PTPRA: variants seen among roughly 807,000 people sequenced by gnomAD.
The protein encoded by PTPRA is receptor-type tyrosine-protein phosphatase alpha.
Under a neutral mutation model 104.8 loss-of-function variants are expected in PTPRA, and 25 were observed. The observed-to-expected ratio is 0.24, with a 90% CI of 0.17 to 0.33. The LOEUF (loss-of-function observed/expected upper bound fraction) is 0.33, where lower values mean the gene tolerates loss of function less well. Among genes scored for constraint, PTPRA ranks in the 10% least tolerant of loss-of-function variants. The pLI is 1.00. For synonymous variants in PTPRA, 323 were observed against 368.9 expected (o/e 0.88, Z 1.43); for missense variants, 765 against 1,015.3 (o/e 0.75, Z 3.35).
chr20:2,988,776 G>C (rs1479240676), intron 9 of PTPRA, among the ~76,000 whole-genome samples: 1 of 152,340 alleles, frequency 6.6e-6, no homozygotes, highest in East Asian at 1.9e-4. Flanking sequence ...CCAGTGATAT[G>C]ATGAGGAGCA....
At chr20:2,940,139 G>A (rs1163841620) in intron 2 of PTPRA, among the ~76,000 whole-genome samples, 1 of 152,000 alleles carries the variant, frequency 6.6e-6, no homozygotes, top group Admixed American at 6.6e-5. Context: ...AAACAAATCA[G>A]TGGGAGGAAT....
chr20:2,865,257 T>C, the PTPRA span: 1 of 1,614,238 alleles, frequency 6.2e-7, no homozygotes. This position sits in a 1 kb window ranked among gnomAD's most constrained non-coding sequence, Gnocchi z 5.2. Flanking sequence ...ACCCTCATTC[T>C]TGGCGGTCAC....
At chr20:3,030,376 T>G (rs1013820563) in intron 20 of PTPRA, among the ~76,000 whole-genome samples, 1 of 152,228 alleles carries the variant, frequency 6.6e-6, no homozygotes, top group East Asian at 1.9e-4. Context: ...ACAGTAGTGC[T>G]TGCCCTCAAA....
chr20:2,986,154 G>A (rs191852290), intron 6 of PTPRA, among the ~76,000 whole-genome samples: 13 of 152,084 alleles, frequency 8.5e-5, no homozygotes, highest in East Asian at 5.8e-4. Flanking sequence ...CAATCCACCC[G>A]CTTTGTCCTC....
At position 3,022,246 on chromosome 20, in the gene PTPRA, C is replaced by A. The variant is rs1443690522; in HGVS notation, c.1328+26C>A. 6.2e-7 allele frequency: 1 copy of A among 1,610,700 alleles called. No individual in the cohort carries two copies. On this transcript the variant is annotated intron_variant, in intron 15 of 23. Transcript: ENST00000399903. This position sits in a 1 kb window ranked among gnomAD's most constrained non-coding sequence, Gnocchi z 4.6. ...GTCAGTGTGGCCTGACCCTTGTACC[C>A]CCACCCCCACATTTCGCCCCCATGG...
Position 3,035,549 on chromosome 20 carries a change from C to T in PTPRA, c.1921-36C>T, listed in dbSNP as rs2065755956. The T allele has an allele frequency of 1.3e-6, 2 of 1,588,264 alleles. No individual in the cohort carries two copies. The highest frequency in any genetic ancestry group is 1.3e-5 in the African/African-American group (1 of 74,354). On this transcript the variant is annotated intron_variant, in intron 20 of 23. Transcript: ENST00000399903. The surrounding 1 kb of genome is among the most constrained non-coding windows in gnomAD (Gnocchi z 5.8). Reference sequence around the variant, plus strand: ...CAGTGCTGCTTCTACACATGTGGTACTCTGAGCTCCTCACCTCTCCAACCT... The same window carrying T: ...CAGTGCTGCTTCTACACATGTGGTATTCTGAGCTCCTCACCTCTCCAACCT...
chr20:2,946,317 A>G (rs2061129288), intron 2 of PTPRA, among the ~76,000 whole-genome samples: 1 of 152,128 alleles, frequency 6.6e-6, no homozygotes, highest in Admixed American at 6.5e-5. Context: ...CAGAAAAATT[A>G]GTGATTTGGC....
chr20:3,020,319 C>G (rs529621449), intron 13 of PTPRA, among the ~76,000 whole-genome samples: 2 of 152,134 alleles, frequency 1.3e-5, no homozygotes, highest in African/African-American at 2.4e-5. Flanking sequence ...AGGATGGTCT[C>G]GATCTCCTGA....
At chr20:3,009,418 G>A (rs1466707509) in intron 11 of PTPRA, among the ~76,000 whole-genome samples, 3 of 152,144 alleles carry the variant, frequency 2.0e-5, no homozygotes, top group Admixed American at 6.5e-5. Flanking sequence ...AAAAGCGTTA[G>A]GAAGTTGTTA....
intron 1 of PTPRA, 142 bp from the exon 2 acceptor site, chr20:2,923,065 A>G (rs562270927): frequency 3.5e-6 from 1 of 286,688 alleles, no homozygotes; most frequent in African/African-American, 2.3e-5. Context: ...AGCTGGGATT[A>G]TAGGCATGTG....
At chr20:2,981,124 G>T (rs542825034) in intron 6 of PTPRA, among the ~76,000 whole-genome samples, 1 of 152,038 alleles carries the variant, frequency 6.6e-6, no homozygotes, top group Admixed American at 6.5e-5. Context: ...GACCTGCTCT[G>T]GTGTCAATTC....
intron 5 of PTPRA, among the ~76,000 whole-genome samples, chr20:2,967,641 A>C (rs1251107903): frequency 6.6e-6 from 1 of 152,166 alleles, no homozygotes; most frequent in Non-Finnish European, 1.5e-5. Flanking sequence ...TGGACAGATC[A>C]CTTGAGCTCA....
intron 2 of PTPRA, among the ~76,000 whole-genome samples, chr20:2,933,601 C>G (rs1245268725): frequency 6.6e-6 from 1 of 151,982 alleles, no homozygotes; most frequent in Non-Finnish European, 1.5e-5. Context: ...GCTGGGATTA[C>G]AGGCGCACGC....
rs780628452 is a variant in PTPRA at position 3,037,305 on chromosome 20, A to G, written c.2334+16A>G. The G allele has an allele frequency of 6.2e-7, 1 of 1,613,104 alleles. No homozygotes were observed. Among genetic ancestry groups the G allele is most frequent in the African/African-American group, 1.3e-5 (1 of 75,014 alleles). On this transcript the variant is annotated intron_variant, in intron 23 of 23. Coordinates refer to ENST00000399903, the MANE Select transcript of PTPRA (RefSeq NM_001385305.1). This position sits in a 1 kb window ranked among gnomAD's most constrained non-coding sequence, Gnocchi z 4.3. Reference sequence around the variant, plus strand: ...CCAGACACTGGTATGCTGCCCACATATTTGTCCCTGCCACCACACCACCTG... The same window carrying G: ...CCAGACACTGGTATGCTGCCCACATGTTTGTCCCTGCCACCACACCACCTG...
At chr20:2,932,246 A>G (rs1209009164) in intron 2 of PTPRA, among the ~76,000 whole-genome samples, 1 of 152,216 alleles carries the variant, frequency 6.6e-6, no homozygotes, top group Non-Finnish European at 1.5e-5. Flanking sequence ...AGATTTGAGA[A>G]CGAAGGATTT....
intron 1 of PTPRA, among the ~76,000 whole-genome samples, chr20:2,917,564 CTCTCT>C (rs2059949160): frequency 6.6e-6 from 1 of 152,294 alleles, no homozygotes; most frequent in South Asian, 2.1e-4. Context: ...GTTTTCCCTC[CTCTCT>C]TAAGAACTTA....
intron 1 of PTPRA, among the ~76,000 whole-genome samples, chr20:2,918,985 A>G (rs191555138): frequency 1.1e-3 from 168 of 152,340 alleles, no homozygotes; most frequent in Admixed American, 2.8e-3. Context: ...AATAATGTGC[A>G]TTGTACAATT....
intron 11 of PTPRA, among the ~76,000 whole-genome samples, chr20:3,011,322 C>T (rs2064158410): frequency 6.6e-6 from 1 of 152,228 alleles, no homozygotes; most frequent in South Asian, 2.1e-4. Flanking sequence ...ACTCAGTCAA[C>T]ATTTTTTGAG....
rs143583692 is a variant in PTPRA, at chr20:2,958,165, G to A, written c.-6-6107G>A. On this transcript the variant is annotated intron_variant, in intron 3 of 23. Transcript: ENST00000399903. The stretch of plus-strand genomic sequence containing the variant: ...GAATTAGAGAGGGGTTCAAGAGACT[G>A]AAGGCCTGGGTGAGGTCAGAGAGCA... 5.3e-3 allele frequency among the ~76,000 whole-genome samples: 802 copies of A among 152,288 alleles called. 9 individuals are homozygous for A. The highest frequency in any genetic ancestry group is 0.014 in the Middle Eastern group (4 of 294).
Sources: gnomAD v4.1 joint callset for allele counts (sites outside exome capture counted in the v4.1 genomes callset) on GRCh38, gnomAD v4.1.1 for gene constraint, Gnocchi (gnomAD v3.1) non-coding constraint, MANE v1.5 for transcripts, NCBI Gene and HGNC (gene_info 2026-07-23, HGNC 2026-07-21) for gene names.